The following DSCAML1 variants were observed in gnomAD, a reference collection of about 807,000 sequenced individuals.
DSCAML1 encodes the protein cell adhesion molecule DSCAML1.
A neutral mutation model predicts 200.5 loss-of-function variants in DSCAML1; 38 were observed. The ratio of observed to expected loss-of-function variants is 0.19; its 90% confidence interval spans 0.15 to 0.25. The LOEUF is 0.25. Among genes scored for constraint, DSCAML1 ranks in the 10% least tolerant of loss-of-function variants. The pLI is 1.00. For missense variants in DSCAML1, 2,223 were observed against 2,858.8 expected (o/e 0.78, Z 5.07); for synonymous variants, 1,215 against 1,165.0 (o/e 1.04, Z -0.87).
At position 117,480,527 on chromosome 11, in the gene DSCAML1, G is replaced by C; in HGVS notation, c.2701C>G (p.Arg901Gly). 6.3e-7 allele frequency: 1 copy of C among 1,591,538 alleles called. No individual in the cohort carries two copies. The highest frequency in any genetic ancestry group is 8.6e-7 in the Non-Finnish European group (1 of 1,168,536). The change falls in exon 14 of 33, where the codon CGG becomes GGG. Residue 901 changes from arginine to glycine, a missense_variant. Coordinates refer to ENST00000651296, the MANE Select transcript of DSCAML1 (RefSeq NM_020693.4). The surrounding 1 kb of genome is among the most constrained non-coding windows in gnomAD (Gnocchi z 4.1). The stretch of plus-strand genomic sequence containing the variant: ...TGGGTCCAGCGCAGGTTCATGCTCC[G>C]GGCCTTCACCTCCCGGATCTCCAGC... ...PELEIREVKA[R>G]SMNLRWTQRF...
At chr11:117,673,539 C>G (rs2053152665) in intron 3 of DSCAML1, among the ~76,000 whole-genome samples, 2 of 152,212 alleles carry the variant, frequency 1.3e-5, no homozygotes, top group South Asian at 4.1e-4. Flanking sequence ...CCTCTGCCCC[C>G]CACCAAACTC....
chr11:117,700,062 C>T (rs563585773), intron 3 of DSCAML1, among the ~76,000 whole-genome samples: 32 of 152,242 alleles, frequency 2.1e-4, no homozygotes, highest in South Asian at 6.2e-4. Context: ...GCTTGTGTGG[C>T]GTCCTTCATC....
At chr11:117,778,435 C>T (rs1792381599) in intron 2 of DSCAML1, among the ~76,000 whole-genome samples, 2 of 152,278 alleles carry the variant, frequency 1.3e-5, no homozygotes, top group South Asian at 2.1e-4. Flanking sequence ...ATCTAACAAG[C>T]GGGCCCTGCC....
At chr11:117,670,563 C>T (rs1168718751) in intron 3 of DSCAML1, among the ~76,000 whole-genome samples, 2 of 152,040 alleles carry the variant, frequency 1.3e-5, no homozygotes, top group Non-Finnish European at 2.9e-5. Flanking sequence ...ATTCAAACTG[C>T]CCAAGGAGGT....
chr11:117,597,615 T>TTTG (rs545559908), intron 3 of DSCAML1, among the ~76,000 whole-genome samples: 1 of 152,040 alleles, frequency 6.6e-6, no homozygotes, highest in Non-Finnish European at 1.5e-5. Flanking sequence ...CATCCAGCTA[T>TTTG]TTGTTGTTGT....
intron 3 of DSCAML1, among the ~76,000 whole-genome samples, chr11:117,620,289 G>A (rs1456311532): frequency 6.6e-6 from 1 of 152,048 alleles, no homozygotes; most frequent in East Asian, 1.9e-4. Context: ...ATCAGCCACC[G>A]ACAGTGGAGA....
At position 117,810,028 on chromosome 11, in the gene DSCAML1, T is replaced by TAC. The variant is rs372715666; in HGVS notation, c.-250+7361_-250+7362insGT. Reference sequence around the variant, plus strand: ...ATTCCCACACTCACACATATTCAAATATTTTCACACACATTCACACTCACA... The same window carrying TAC: ...ATTCCCACACTCACACATATTCAAATACATTTTCACACACATTCACACTCACA... On this transcript the variant is annotated intron_variant, in intron 1 of 2. Transcript: ENST00000525836. Among the ~76,000 whole-genome samples, 763 of 151,564 alleles carry TAC rather than the reference T, an allele frequency of 5.0e-3. 5 individuals carry two copies. The highest frequency in any genetic ancestry group is 0.017 in the African/African-American group (713 of 41,266).
In DSCAML1 at chr11:117,813,369, C is replaced by T. The variant is rs986283018; in HGVS notation, c.-250+4021G>A. On this transcript the variant is annotated intron_variant, in intron 1 of 2. Coordinates refer to the DSCAML1 transcript ENST00000525836. Reference sequence around the variant, plus strand: ...TCTGTCTAGTCATACTCCTATTCACCGTTCTCAACTACTCATACATGCCCT... The same window carrying T: ...TCTGTCTAGTCATACTCCTATTCACTGTTCTCAACTACTCATACATGCCCT... 3.7e-4 allele frequency among the ~76,000 whole-genome samples: 56 copies of T among 152,284 alleles called. 1 individual carries two copies. Among genetic ancestry groups the T allele is most frequent in the African/African-American group, 1.2e-3 (49 of 41,554 alleles).
rs1175950345 is a variant in DSCAML1, at chr11:117,463,834, GA to G, written c.3265+1107del. ...ATCTTAAAGCCCAGCTTTTGCCCCA[GA>G]ATCATGAAATGAGAATCTCTGGTGT... On this transcript the variant is annotated intron_variant, in intron 17 of 32. Coordinates refer to ENST00000651296, the MANE Select transcript of DSCAML1 (RefSeq NM_020693.4). This position sits in a 1 kb window ranked among gnomAD's most constrained non-coding sequence, Gnocchi z 4.0. Among the ~76,000 whole-genome samples the G allele has an allele frequency of 6.6e-6, 1 of 152,210 alleles. No individual in the cohort carries two copies. The highest frequency in any genetic ancestry group is 1.5e-5 in the Non-Finnish European group (1 of 68,042).
Position 117,769,206 on chromosome 11 carries a change from A to G in DSCAML1, c.511+7585T>C, listed in dbSNP as rs1270559043. On this transcript the variant is annotated intron_variant, in intron 3 of 32. Coordinates refer to ENST00000651296, the MANE Select transcript of DSCAML1 (RefSeq NM_020693.4). Reference sequence around the variant, plus strand: ...TATACATATATATTTTATATATATTATATATTTTATATATATTGTATATAT... The same window carrying G: ...TATACATATATATTTTATATATATTGTATATTTTATATATATTGTATATAT... Among the ~76,000 whole-genome samples the G allele has an allele frequency of 3.6e-3, 142 of 39,376 alleles. 5 individuals carry two copies. The highest frequency in any genetic ancestry group is 7.3e-3 in the African/African-American group (135 of 18,600). The allele number at this position is 39,376 out of a possible 152,430, so 25.8% of individuals were successfully genotyped here.
intron 3 of DSCAML1, among the ~76,000 whole-genome samples, chr11:117,661,326 G>T (rs1456709374): frequency 4.6e-5 from 7 of 152,238 alleles, no homozygotes; most frequent in Admixed American, 1.3e-4. Context: ...CCATGGCAAT[G>T]CAAGGCCTTC....
At chr11:117,734,379 CT>C (rs1257762728) in intron 3 of DSCAML1, among the ~76,000 whole-genome samples, 2 of 152,142 alleles carry the variant, frequency 1.3e-5, no homozygotes, top group African/African-American at 4.8e-5. Context: ...TCCGGAAAAC[CT>C]TGCTGGGAGA....
Position 117,437,345 on chromosome 11 carries a change from G to A in DSCAML1, c.4497C>T (p.Asn1499=), listed in dbSNP as rs765516904. ...THINSTHARL[N]LQGWNNGGCP... ...AGCCCCCATTGTTCCAGCCCTGCAG[G>A]TTAAGCCGAGCATGCGTGGAGTTGA... The change falls in exon 26 of 33, where the codon AAC becomes AAT. Residue 1499 remains asparagine, a synonymous_variant. Coordinates refer to ENST00000651296, the MANE Select transcript of DSCAML1 (RefSeq NM_020693.4). This position sits in a 1 kb window ranked among gnomAD's most constrained non-coding sequence, Gnocchi z 5.3. 2 of 1,614,132 alleles carry A rather than the reference G, an allele frequency of 1.2e-6. No homozygotes were observed. Among genetic ancestry groups the A allele is most frequent in the South Asian group, 2.2e-5 (2 of 91,084 alleles).
rs115068008 is a variant in DSCAML1 at position 117,569,481 on chromosome 11, C to G, written c.512-36959G>C. On this transcript the variant is annotated intron_variant, in intron 3 of 32. Transcript: ENST00000651296. ...ATTTTGTGTAGAGGTGGGATTTCGT[C>G]TTGTTGCCCAGGTCTCAAACTCTTG... Among the ~76,000 whole-genome samples the G allele has an allele frequency of 3.6e-3, 554 of 152,244 alleles. 3 individuals are homozygous for G. The highest frequency in any genetic ancestry group is 0.013 in the African/African-American group (533 of 41,548).
At chr11:117,748,516 C>G (rs915770884) in intron 3 of DSCAML1, among the ~76,000 whole-genome samples, 6 of 152,226 alleles carry the variant, frequency 3.9e-5, no homozygotes, top group Admixed American at 3.9e-4. Flanking sequence ...TGTGTCAGCC[C>G]TGGCTCTCCT....
chr11:117,739,132 GA>G (rs2054376845), intron 3 of DSCAML1, among the ~76,000 whole-genome samples: 1 of 152,148 alleles, frequency 6.6e-6, no homozygotes. Context: ...AATTGATAAA[GA>G]AAGAAAACTA....
chr11:117,813,132 C>T (rs976283836), intron 1 of DSCAML1, among the ~76,000 whole-genome samples: 2 of 152,138 alleles, frequency 1.3e-5, no homozygotes, highest in Non-Finnish European at 2.9e-5. Flanking sequence ...ATTAAAAACA[C>T]ACCTCACCAA....
At chr11:117,732,223 CT>C (rs2054234710) in intron 3 of DSCAML1, among the ~76,000 whole-genome samples, 2 of 152,214 alleles carry the variant, frequency 1.3e-5, no homozygotes, top group Admixed American at 6.5e-5. Context: ...ATATTCCATT[CT>C]TGATTCCTCA....
At chr11:117,737,759 A>G (rs1201148041) in intron 3 of DSCAML1, among the ~76,000 whole-genome samples, 1 of 152,072 alleles carries the variant, frequency 6.6e-6, no homozygotes, top group Non-Finnish European at 1.5e-5. Context: ...ACATTCGCGG[A>G]GGGGTTTATG....
Sources: allele counts gnomAD v4.1 joint callset (sites outside exome capture counted in the v4.1 genomes callset), GRCh38; gene constraint gnomAD v4.1.1; non-coding constraint Gnocchi (gnomAD v3.1); transcripts MANE v1.5; gene names NCBI Gene and HGNC (gene_info 2026-07-23, HGNC 2026-07-21).